The following MREG variants were observed in gnomAD, a reference collection of about 807,000 sequenced individuals.
The protein encoded by MREG is melanoregulin.
Under a neutral mutation model 28.5 loss-of-function variants are expected in MREG, and 31 were observed. The observed-to-expected ratio is 1.09, with a 90% CI of 0.82 to 1.47. MREG has a LOEUF of 1.47. MREG is among the 40% of genes most tolerant of loss of function. MREG has a pLI of 0.00. For synonymous variants in MREG, 106 were observed against 95.2 expected (o/e 1.11, Z -0.66); for missense variants, 256 against 257.4 (o/e 0.99, Z 0.04).
chr2:215,949,271 A>T (rs1190045427), intron 2 of MREG, among the ~76,000 whole-genome samples: 1 of 150,842 alleles, frequency 6.6e-6, no homozygotes, highest in African/African-American at 2.4e-5. Flanking sequence ...AAAAAAAAAA[A>T]AAAGAGGGCC....
intron 2 of MREG, among the ~76,000 whole-genome samples, chr2:215,977,808 A>C (rs113601189): frequency 6.6e-6 from 1 of 152,016 alleles, no homozygotes; most frequent in African/African-American, 2.4e-5. Context: ...TGAAGGCAGA[A>C]ATAAATATAT....
chr2:215,970,975 T>C (rs1693075181), intron 2 of MREG, among the ~76,000 whole-genome samples: 1 of 152,184 alleles, frequency 6.6e-6, no homozygotes, highest in South Asian at 2.1e-4. Context: ...AGTTCATCCA[T>C]GTCCTTAGTA....
chr2:215,999,572 C>T (rs1333887640), intron 1 of MREG, among the ~76,000 whole-genome samples: 1 of 152,120 alleles, frequency 6.6e-6, no homozygotes, highest in Non-Finnish European at 1.5e-5. Flanking sequence ...GTTTGAGGTA[C>T]AGGAAAAATG....
At chr2:215,972,980 A>T (rs1345101027) in intron 2 of MREG, among the ~76,000 whole-genome samples, 3 of 152,168 alleles carry the variant, frequency 2.0e-5, no homozygotes, top group Admixed American at 2.0e-4. Context: ...GTGAATGGAC[A>T]TGTAACTGGG....
intron 2 of MREG, among the ~76,000 whole-genome samples, chr2:215,979,850 C>A (rs957656192): frequency 1.1e-4 from 17 of 151,510 alleles, no homozygotes; most frequent in Admixed American, 2.0e-4. Flanking sequence ...TTGGTATTAA[C>A]CCCTGGTGTT....
intron 2 of MREG, among the ~76,000 whole-genome samples, chr2:215,948,284 C>T (rs576783408): frequency 1.0e-3 from 159 of 152,316 alleles, no homozygotes; most frequent in Middle Eastern, 3.4e-3. Flanking sequence ...TGTTTTGTTA[C>T]GACGGCATTT....
In MREG at chr2:216,027,228, CAGAA is replaced by C. The variant is rs377747284; in HGVS notation, c.-68+5557_-68+5560del. 1.4e-3 allele frequency among the ~76,000 whole-genome samples: 211 copies of C among 152,186 alleles called. 1 individual carries two copies. Among genetic ancestry groups the C allele is most frequent in the African/African-American group, 4.8e-3 (198 of 41,522 alleles). The stretch of plus-strand genomic sequence containing the variant: ...CTGTAATACATTTGGTGTTTGGTGA[CAGAA>C]AGACAAAACAATGGTGTGAATATAC... On this transcript the variant is annotated intron_variant, in intron 1 of 3. Coordinates refer to the MREG transcript ENST00000420348.
intron 2 of MREG, among the ~76,000 whole-genome samples, chr2:215,991,836 A>G (rs1425115570): frequency 6.6e-6 from 1 of 152,234 alleles, no homozygotes; most frequent in African/African-American, 2.4e-5. Flanking sequence ...CACTCCTAAG[A>G]CTAAACCAGG....
At chr2:215,951,895 A>G (rs1692497305) in intron 2 of MREG, among the ~76,000 whole-genome samples, 1 of 152,180 alleles carries the variant, frequency 6.6e-6, no homozygotes, top group Non-Finnish European at 1.5e-5. Flanking sequence ...CTAAAACAAC[A>G]TTTGATTCTT....
chr2:216,021,130 T>C (rs183526487), intron 1 of MREG, among the ~76,000 whole-genome samples: 1 of 152,290 alleles, frequency 6.6e-6, no homozygotes, highest in Non-Finnish European at 1.5e-5. Flanking sequence ...CAAGAATCCA[T>C]GTTTTTAGTA....
intron 1 of MREG, among the ~76,000 whole-genome samples, chr2:216,010,354 CTT>C (rs1164326774): frequency 5.5e-4 from 52 of 94,374 alleles, no homozygotes; most frequent in African/African-American, 7.9e-4. Context: ...AAAGATTTCT[CTT>C]TTTTTTTTTT....
At chr2:216,034,054 T>C (rs1694753597), upstream of MREG, 1 of 152,044 alleles carries the variant, frequency 6.6e-6, no homozygotes, top group African/African-American at 2.4e-5. Context: ...AAACAAGGAG[T>C]GCAGAAGAAA....
At chr2:216,031,489 GAAAGAGAA>G (rs1461587159) in intron 1 of MREG, among the ~76,000 whole-genome samples, 12 of 123,152 alleles carry the variant, frequency 9.7e-5, no homozygotes, top group African/African-American at 3.6e-4. Context: ...AAGAAAGAAA[GAAAGAGAA>G]AGAAAGAGAG....
chr2:215,949,081 CTACTACTAATAA>C (rs1214800189), intron 2 of MREG, among the ~76,000 whole-genome samples: 21 of 96,422 alleles, frequency 2.2e-4, no homozygotes, highest in African/African-American at 7.5e-4. Flanking sequence ...ACTACTACTA[CTACTACTAATAA>C]TAATAATAAT....
rs1553550370 is a variant in MREG at position 215,975,008 on chromosome 2, T to TTATATATATATATTTATATA, written c.255+21297_255+21298insTATATAAATATATATATATA. 3.8e-5 allele frequency among the ~76,000 whole-genome samples: 4 copies of TTATATATATATATTTATATA among 106,612 alleles called. No homozygotes were observed. The East Asian group carries it at 1.1e-3, about 29-fold the overall frequency. 69.9% of individuals were successfully genotyped at this position (106,612 alleles called of 152,430 possible). A position where few individuals can be genotyped will look rare whatever the true frequency, so the allele number is the denominator to read the frequency against. On this transcript the variant is annotated intron_variant, in intron 2 of 4. Coordinates refer to ENST00000263268, the MANE Select transcript of MREG (RefSeq NM_018000.3). ...GGGAGAGAATTTTATTTTATATGAA[T>TTATATATATATATTTATATA]TATATATATATATATATATGAAATA...
In MREG at chr2:215,944,945, C is replaced by A; in HGVS notation, c.563G>T (p.Arg188Leu). The change falls in exon 5 of 5, where the codon CGA (arginine) becomes CTA (leucine). Residue 188 changes from arginine to leucine, a missense_variant. Arg to Leu is a moderately radical substitution (Grantham distance 102, BLOSUM62 -2). Transcript: ENST00000263268. ...AAEEFFKLAR[R>L]TYPKKPGVPC... Reference sequence around the variant, plus strand: ...AACCCCAGGCTTCTTGGGGTAAGTTCGACGAGCAAGCTTAAAGAACTCTTC... The same window carrying A: ...AACCCCAGGCTTCTTGGGGTAAGTTAGACGAGCAAGCTTAAAGAACTCTTC... The A allele has an allele frequency of 1.2e-6, 2 of 1,607,552 alleles. No individual in the cohort carries two copies. Among genetic ancestry groups the A allele is most frequent in the Middle Eastern group, 1.7e-4 (1 of 6,036 alleles).
At chr2:216,011,846 C>T (rs995728380) in intron 1 of MREG, among the ~76,000 whole-genome samples, 1 of 152,168 alleles carries the variant, frequency 6.6e-6, no homozygotes, top group African/African-American at 2.4e-5. Context: ...AGAGCCCTGA[C>T]AAGTTCAGTG....
At chr2:215,969,332 A>C (rs1221866436) in intron 2 of MREG, among the ~76,000 whole-genome samples, 1 of 152,224 alleles carries the variant, frequency 6.6e-6, no homozygotes, top group African/African-American at 2.4e-5. Context: ...ATGCCAAAGC[A>C]CTGACCCATG....
chr2:216,023,182 A>G (rs1333314475), intron 1 of MREG, among the ~76,000 whole-genome samples: 1 of 152,234 alleles, frequency 6.6e-6, no homozygotes, highest in Non-Finnish European at 1.5e-5. Flanking sequence ...TACAAACCTT[A>G]GACTTCCCCA....
Sources: allele counts gnomAD v4.1 joint callset (sites outside exome capture counted in the v4.1 genomes callset), GRCh38; gene constraint gnomAD v4.1.1; transcripts MANE v1.5; gene names NCBI Gene and HGNC (gene_info 2026-07-23, HGNC 2026-07-21).